The following TFAP2E variants were observed in gnomAD, a reference collection of about 807,000 sequenced individuals.
TFAP2E encodes transcription factor AP-2 epsilon.
TFAP2E carries 30 observed loss-of-function variants against 37.9 expected under a neutral mutation model. The observed-to-expected ratio is 0.79, with a 90% CI of 0.59 to 1.07. The LOEUF (loss-of-function observed/expected upper bound fraction) is 1.07. Among genes scored for constraint, TFAP2E ranks in the 50% least tolerant of loss-of-function variants. The pLI is 0.00. For missense variants in TFAP2E, 567 were observed against 637.9 expected (o/e 0.89, Z 1.20); for synonymous variants, 318 against 295.8 (o/e 1.08, Z -0.77).
chr1:35,583,343 C>T (rs1428799718), intron 3 of TFAP2E, among the ~76,000 whole-genome samples: 4 of 151,922 alleles, frequency 2.6e-5, no homozygotes, highest in African/African-American at 9.7e-5. Flanking sequence ...GGGGTTTTCC[C>T]ATGTTGTCCA....
Position 35,573,559 on chromosome 1 carries a change from G to GCCCGGCACTCACCGCC in TFAP2E, c.-16_-1dup. ...GGGCTCCGCCGCCGCCACGCCTCGC[G>GCCCGGCACTCACCGCC]CCCGGCACTCACCGCCCCATGCTGG... On this transcript the variant is annotated 5_prime_UTR_variant, in exon 1 of 7. Transcript: ENST00000373235. The surrounding 1 kb of genome is among the most constrained non-coding windows in gnomAD (Gnocchi z 5.9). 6.6e-7 allele frequency: 1 copy of GCCCGGCACTCACCGCC among 1,523,712 alleles called. No homozygotes were observed. The highest frequency in any genetic ancestry group is 8.8e-7 in the Non-Finnish European group (1 of 1,136,568). 94.4% of individuals were successfully genotyped at this position (1,523,712 alleles called of 1,614,324 possible). A position where few individuals can be genotyped will look rare whatever the true frequency, so the allele number is the denominator to read the frequency against.
At position 35,594,867 on chromosome 1, in the gene TFAP2E, GTAAGT is replaced by G; in HGVS notation, c.*196_*200del. 1.3e-6 allele frequency: 1 copy of G among 748,710 alleles called. No individual in the cohort carries two copies. Among genetic ancestry groups the G allele is most frequent in the Non-Finnish European group, 2.1e-6 (1 of 471,358 alleles). 46.4% of individuals were successfully genotyped at this position (748,710 alleles called of 1,614,324 possible). The stretch of plus-strand genomic sequence containing the variant: ...GTGGCCTCTCTGTGGTGGTGTGTTG[GTAAGT>G]TAAGGGCCCAGGTATTTGTCTCATG... On this transcript the variant is annotated 3_prime_UTR_variant, in exon 7 of 7. Transcript: ENST00000373235.
chr1:35,588,277 G>A lies in TFAP2E; in HGVS notation c.563-53G>A. The stretch of plus-strand genomic sequence containing the variant: ...AAGCAAGGATACCAGACCCTCCCTT[G>A]AGTGGGGCTGTGTGCGGCAGCCACT... On this transcript the variant is annotated intron_variant, in intron 3 of 6. Transcript: ENST00000373235. This position sits in a 1 kb window ranked among gnomAD's most constrained non-coding sequence, Gnocchi z 5.1. 1 of 1,538,908 alleles carries A rather than the reference G, an allele frequency of 6.5e-7. No homozygotes were observed. Among genetic ancestry groups the A allele is most frequent in the Non-Finnish European group, 8.8e-7 (1 of 1,133,182 alleles).
In TFAP2E at chr1:35,590,405, G is replaced by T. The variant is rs1255986923; in HGVS notation, c.905-229G>T. Among the ~76,000 whole-genome samples, 3 of 152,042 alleles carry T rather than the reference G, an allele frequency of 2.0e-5. No individual in the cohort carries two copies. The highest frequency in any genetic ancestry group is 6.6e-5 in the Admixed American group (1 of 15,262). ...CCTCCCCTGGAGGTTGGTGCCTCTG[G>T]AATACATGGTGGGCCCAGCTCCCAT... On this transcript the variant is annotated intron_variant, in intron 5 of 6. Transcript: ENST00000373235. This position sits in a 1 kb window ranked among gnomAD's most constrained non-coding sequence, Gnocchi z 6.2.
chr1:35,576,736 C>G (rs1308527273), intron 3 of TFAP2E, among the ~76,000 whole-genome samples: 1 of 152,214 alleles, frequency 6.6e-6, no homozygotes, highest in Non-Finnish European at 1.5e-5. Flanking sequence ...GCTGGTTTCT[C>G]TCAAACAACT....
intron 3 of TFAP2E, among the ~76,000 whole-genome samples, chr1:35,578,849 T>TG (rs1246043141): frequency 6.6e-6 from 1 of 151,818 alleles, no homozygotes; most frequent in Admixed American, 6.6e-5. Context: ...CCCAGCACTT[T>TG]GGGAGGCCGG....
intron 3 of TFAP2E, among the ~76,000 whole-genome samples, chr1:35,583,518 T>C (rs930531206): frequency 6.6e-6 from 1 of 152,072 alleles, no homozygotes; most frequent in African/African-American, 2.4e-5. Context: ...CTTGCCTAGG[T>C]TCAGAAGTCA....
intron 6 of TFAP2E, among the ~76,000 whole-genome samples, chr1:35,593,018 C>G (rs934827412): frequency 6.6e-6 from 1 of 151,952 alleles, no homozygotes; most frequent in African/African-American, 2.4e-5. Flanking sequence ...CAAGAAAAGA[C>G]AGAGAGAGGA....
rs1470889863 is a variant in TFAP2E at position 35,595,131 on chromosome 1, G to C, written c.*455G>C. 1 of 210,764 alleles carries C rather than the reference G, an allele frequency of 4.7e-6. No homozygotes were observed. The highest frequency in any genetic ancestry group is 5.7e-5 in the Admixed American group (1 of 17,604). The allele number at this position is 210,764 out of a possible 1,614,324, so 13.1% of individuals were successfully genotyped here. A position where few individuals can be genotyped will look rare whatever the true frequency, so the allele number is the denominator to read the frequency against. On this transcript the variant is annotated 3_prime_UTR_variant, in exon 7 of 7. Coordinates refer to ENST00000373235, the MANE Select transcript of TFAP2E (RefSeq NM_178548.4). Reference sequence around the variant, plus strand: ...CCAGAATCTCCTACCCCCAGAAAAGGGGTGCTGGAAGGAGGCCCCAGTGGA... The same window carrying C: ...CCAGAATCTCCTACCCCCAGAAAAGCGGTGCTGGAAGGAGGCCCCAGTGGA...
chr1:35,590,625 TC>T lies in TFAP2E; in HGVS notation c.905-3del. The stretch of plus-strand genomic sequence containing the variant: ...CACCCTGCAGTAGTGACAGCTCCCC[TC>T]CCCCCAGGAGAGGCCGTGCACCTGG... On this transcript the variant is annotated splice_polypyrimidine_tract_variant and splice_region_variant and intron_variant, in intron 5 of 6. Transcript: ENST00000373235. The surrounding 1 kb of genome is among the most constrained non-coding windows in gnomAD (Gnocchi z 6.2). The T allele has an allele frequency of 6.9e-6, 10 of 1,455,852 alleles. No individual in the cohort carries two copies. Among genetic ancestry groups the T allele is most frequent in the South Asian group, 4.5e-5 (3 of 66,260 alleles). 90.2% of individuals were successfully genotyped at this position (1,455,852 alleles called of 1,614,324 possible).
chr1:35,593,428 CA>C (rs778586446), intron 6 of TFAP2E, among the ~76,000 whole-genome samples: 4 of 152,222 alleles, frequency 2.6e-5, no homozygotes, highest in Non-Finnish European at 5.9e-5. Context: ...CCACTTCTGC[CA>C]ACCCTGTCCT....
rs1649109649 is a variant in TFAP2E, at chr1:35,574,413, A to G, written c.510+4A>G. On this transcript the variant is annotated splice_donor_region_variant and intron_variant, in intron 2 of 6. Transcript: ENST00000373235. ...CCCCGGTCTGGAGGACCTGCAGGTG[A>G]GACCCGAGGGATCCGGGATGGGTCG... 7.1e-7 allele frequency: 1 copy of G among 1,416,134 alleles called. No individual in the cohort carries two copies. Among genetic ancestry groups the G allele is most frequent in the Non-Finnish European group, 9.1e-7 (1 of 1,094,672 alleles). 87.7% of individuals were successfully genotyped at this position (1,416,134 alleles called of 1,614,324 possible).
intron 2 of TFAP2E, chr1:35,574,672 G>A: frequency 6.1e-6 from 4 of 660,638 alleles, no homozygotes; most frequent in Non-Finnish European, 1.0e-5. Flanking sequence ...CCGCTGCCAC[G>A]TGTGGCATCC....
chr1:35,580,379 C>A (rs1437265346), intron 3 of TFAP2E, among the ~76,000 whole-genome samples: 1 of 152,118 alleles, frequency 6.6e-6, no homozygotes, highest in Non-Finnish European at 1.5e-5. Flanking sequence ...TCCTCTTGCT[C>A]CAACCCCTTC....
intron 3 of TFAP2E, among the ~76,000 whole-genome samples, chr1:35,584,347 C>T (rs2148550040): frequency 1.3e-5 from 2 of 152,180 alleles, no homozygotes; most frequent in South Asian, 2.1e-4. Context: ...AAGTGATCCT[C>T]CTGCCTCAGT....
Position 35,577,569 on chromosome 1 carries a change from G to C in TFAP2E, c.562+2569G>C, listed in dbSNP as rs1183422356. On this transcript the variant is annotated intron_variant, in intron 3 of 6. Transcript: ENST00000373235. The surrounding 1 kb of genome is among the most constrained non-coding windows in gnomAD (Gnocchi z 6.3). ...AGTGCCTCCCAGCCTGGGCGGGAGC[G>C]GCGGCTGCGTCGCTGAAGGTTGGGG... is the stretch of plus-strand genomic sequence containing the variant. The C allele has an allele frequency of 1.3e-5, 5 of 386,104 alleles. No homozygotes were observed. Among genetic ancestry groups the C allele is most frequent in the Admixed American group, 9.0e-5 (3 of 33,322 alleles). The allele number at this position is 386,104 out of a possible 1,614,324, so 23.9% of individuals were successfully genotyped here. A position where few individuals can be genotyped will look rare whatever the true frequency, so the allele number is the denominator to read the frequency against.
In TFAP2E at chr1:35,590,902, T is replaced by C; in HGVS notation, c.1046+127T>C. The C allele has an allele frequency of 8.9e-7, 1 of 1,124,084 alleles. No homozygotes were observed. Among genetic ancestry groups the C allele is most frequent in the Non-Finnish European group, 1.1e-6 (1 of 870,966 alleles). The allele number at this position is 1,124,084 out of a possible 1,614,324, so 69.6% of individuals were successfully genotyped here. On this transcript the variant is annotated intron_variant, in intron 6 of 6. Transcript: ENST00000373235. The surrounding 1 kb of genome is among the most constrained non-coding windows in gnomAD (Gnocchi z 6.2). Reference sequence around the variant, plus strand: ...ACATGCGTATTTGCGCACCACTGTGTACACGAGCAGTGGGCACACACACAT... The same window carrying C: ...ACATGCGTATTTGCGCACCACTGTGCACACGAGCAGTGGGCACACACACAT...
At position 35,573,503 on chromosome 1, in the gene TFAP2E, G is replaced by T; in HGVS notation, c.-75G>T. 1 of 1,408,524 alleles carries T rather than the reference G, an allele frequency of 7.1e-7. No homozygotes were observed. Among genetic ancestry groups the T allele is most frequent in the Non-Finnish European group, 9.2e-7 (1 of 1,085,246 alleles). The allele number at this position is 1,408,524 out of a possible 1,614,324, so 87.3% of individuals were successfully genotyped here. ...TCCGCGGGCTGTGCCGGCTCCCGGCGCCTCTGCCCGCAGCGCTCGCCGTCG... is the reference window on the plus strand; with the variant it reads ...TCCGCGGGCTGTGCCGGCTCCCGGCTCCTCTGCCCGCAGCGCTCGCCGTCG... On this transcript the variant is annotated 5_prime_UTR_variant, in exon 1 of 7. Transcript: ENST00000373235. The surrounding 1 kb of genome is among the most constrained non-coding windows in gnomAD (Gnocchi z 5.9).
In TFAP2E at chr1:35,573,692, C is replaced by G; in HGVS notation, c.27+88C>G. 1 of 1,495,694 alleles carries G rather than the reference C, an allele frequency of 6.7e-7. No individual in the cohort carries two copies. 92.7% of individuals were successfully genotyped at this position (1,495,694 alleles called of 1,614,324 possible). A position where few individuals can be genotyped will look rare whatever the true frequency, so the allele number is the denominator to read the frequency against. Reference sequence around the variant, plus strand: ...TTCCAACCCTCCTGTCCCGCGCTAACGAAATCTCGGAGGGAGGGGGCCGCA... The same window carrying G: ...TTCCAACCCTCCTGTCCCGCGCTAAGGAAATCTCGGAGGGAGGGGGCCGCA... On this transcript the variant is annotated intron_variant, in intron 1 of 6. Coordinates refer to ENST00000373235, the MANE Select transcript of TFAP2E (RefSeq NM_178548.4). This position sits in a 1 kb window ranked among gnomAD's most constrained non-coding sequence, Gnocchi z 5.9.
Sources: gnomAD v4.1 joint callset for allele counts (sites outside exome capture counted in the v4.1 genomes callset) on GRCh38, gnomAD v4.1.1 for gene constraint, Gnocchi (gnomAD v3.1) non-coding constraint, MANE v1.5 for transcripts, NCBI Gene and HGNC (gene_info 2026-07-23, HGNC 2026-07-21) for gene names.